MAST1: variants seen among roughly 807,000 people sequenced by gnomAD.
MAST1 encodes the protein microtubule associated serine/threonine kinase 1, also known as microtubule-associated serine/threonine-protein kinase 1.
Under a neutral mutation model 124.6 loss-of-function variants are expected in MAST1, and 40 were observed. That is an observed-to-expected ratio of 0.32 (90% confidence interval 0.25 to 0.42). MAST1 has a LOEUF of 0.42. MAST1 is among the 10% of genes least tolerant of loss of function. MAST1 has a pLI of 1.00. For missense variants in MAST1, 1,558 were observed against 2,181.9 expected (o/e 0.71, Z 5.70); for synonymous variants, 938 against 939.4 (o/e 1.00, Z 0.03).
intron 4 of MAST1, among the ~76,000 whole-genome samples, chr19:12,845,413 A>C (rs1345143096): frequency 1.1e-5 from 1 of 91,338 alleles, no homozygotes; most frequent in Non-Finnish European, 2.7e-5. Flanking sequence ...TGTTTCTACA[A>C]AAAAAAAAAA....
At position 12,874,912 on chromosome 19, in the gene MAST1, C is replaced by T; in HGVS notation, c.*42C>T. ...CCCCGCGCTGTACAGCCTCCGTATA[C>T]ATATGTACACATATAAATAAAGTGC... On this transcript the variant is annotated 3_prime_UTR_variant, in exon 26 of 26. Coordinates refer to ENST00000251472, the MANE Select transcript of MAST1 (RefSeq NM_014975.3). The surrounding 1 kb of genome is among the most constrained non-coding windows in gnomAD (Gnocchi z 6.6). 6.5e-7 allele frequency: 1 copy of T among 1,546,114 alleles called. No individual in the cohort carries two copies. Among genetic ancestry groups the T allele is most frequent in the Non-Finnish European group, 8.7e-7 (1 of 1,149,026 alleles).
chr19:12,842,290 CTCTT>C (rs972967873), intron 3 of MAST1, among the ~76,000 whole-genome samples: 4 of 151,122 alleles, frequency 2.6e-5, no homozygotes, highest in Admixed American at 1.3e-4. Flanking sequence ...CTCTCTCTCT[CTCTT>C]TTTTTTTTCT....
chr19:12,862,257 G>A (rs552793551), intron 12 of MAST1, among the ~76,000 whole-genome samples: 2 of 152,216 alleles, frequency 1.3e-5, no homozygotes, highest in African/African-American at 2.4e-5. Flanking sequence ...CATCAGTCTC[G>A]GCCTCCCGAA....
At chr19:12,864,535 T>C (rs924550788) in intron 12 of MAST1, among the ~76,000 whole-genome samples, 1 of 152,012 alleles carries the variant, frequency 6.6e-6, no homozygotes, top group Non-Finnish European at 1.5e-5. Context: ...CAACTAAACC[T>C]CACCTCTACC....
rs866290486 is a variant in MAST1 at position 12,874,479 on chromosome 19, C to A, written c.4322C>A (p.Ala1441Glu). The A allele has an allele frequency of 1.3e-6, 2 of 1,575,814 alleles. No individual in the cohort carries two copies. The highest frequency in any genetic ancestry group is 1.7e-6 in the Non-Finnish European group (2 of 1,164,946). The change falls in exon 26 of 26, where the codon GCG becomes GAG. Residue 1441 changes from alanine to glutamate, a missense_variant. Ala to Glu is a moderately radical substitution (Grantham distance 107). Around this residue, in one of 10 missense-constraint regions of MAST1, gnomAD observed 263 missense variants for 310.9 expected, o/e 0.85. Transcript: ENST00000251472. The surrounding 1 kb of genome is among the most constrained non-coding windows in gnomAD (Gnocchi z 6.6). ...TPLVPIVVEPARPGAKAVVPQ... is the reference protein window; with the variant it reads ...TPLVPIVVEPERPGAKAVVPQ... ...CTGGTACCCATTGTCGTAGAGCCTG[C>A]GCGGCCCGGGGCTAAGGCTGTGGTG...
chr19:12,866,187 G>C lies in MAST1; in HGVS notation c.2029+85G>C, dbSNP rs1358486633. On this transcript the variant is annotated intron_variant, in intron 17 of 25. Transcript: ENST00000251472. The surrounding 1 kb of genome is among the most constrained non-coding windows in gnomAD (Gnocchi z 5.2). Reference sequence around the variant, plus strand: ...TGGGGTAAGTAAAGCCTGGGATAGGGCCTGGCTAAGTACCAAGATGTGATG... The same window carrying C: ...TGGGGTAAGTAAAGCCTGGGATAGGCCCTGGCTAAGTACCAAGATGTGATG... 1 of 1,555,576 alleles carries C rather than the reference G, an allele frequency of 6.4e-7. No homozygotes were observed. Among genetic ancestry groups the C allele is most frequent in the East Asian group, 2.4e-5 (1 of 42,470 alleles).
chr19:12,843,098 G>C lies in MAST1; in HGVS notation c.249-431G>C, dbSNP rs191408539. 6.6e-6 allele frequency among the ~76,000 whole-genome samples: 1 copy of C among 152,184 alleles called. No individual in the cohort carries two copies. Among genetic ancestry groups the C allele is most frequent in the East Asian group, 1.9e-4 (1 of 5,202 alleles). ...CAACAGTGACTGTGTCTGTGTGCAC[G>C]AGAGCATAAGGACACAATATTCTAT... is the stretch of plus-strand genomic sequence containing the variant. On this transcript the variant is annotated intron_variant, in intron 3 of 25. Coordinates refer to ENST00000251472, the MANE Select transcript of MAST1 (RefSeq NM_014975.3). This position sits in a 1 kb window ranked among gnomAD's most constrained non-coding sequence, Gnocchi z 4.9.
At chr19:12,844,053 G>C (rs1039172606) in intron 4 of MAST1, among the ~76,000 whole-genome samples, 2 of 152,150 alleles carry the variant, frequency 1.3e-5, no homozygotes, top group African/African-American at 4.8e-5. Context: ...CTTCAAAGGT[G>C]TTCACTTGTC....
chr19:12,874,833 A>G lies in MAST1; in HGVS notation c.4676A>G (p.Lys1559Arg). The change falls in exon 26 of 26, where the codon AAA (lysine) becomes AGA (arginine). Residue 1559 changes from lysine to arginine, a missense_variant. Lys to Arg is a conservative substitution (Grantham distance 26). Around this residue, in one of 10 missense-constraint regions of MAST1, gnomAD observed 168 missense variants for 154.3 expected, o/e 1.09. Coordinates refer to ENST00000251472, the MANE Select transcript of MAST1 (RefSeq NM_014975.3). This position sits in a 1 kb window ranked among gnomAD's most constrained non-coding sequence, Gnocchi z 6.6. ...GCTGTGCCCCCAGCAGGCCTGACCA[A>G]AAAAGGAGTGTCCAGTCCCGCACCC... ...AEAVPPAGLT[K>R]KGVSSPAPPG... 1.9e-6 allele frequency: 3 copies of G among 1,599,730 alleles called. No homozygotes were observed. The highest frequency in any genetic ancestry group is 2.6e-6 in the Non-Finnish European group (3 of 1,171,448).
chr19:12,852,074 C>A (rs767333066), intron 8 of MAST1, 39 bp downstream of exon 8: 2 of 1,613,428 alleles, frequency 1.2e-6, no homozygotes, highest in Middle Eastern at 1.6e-4. Context: ...GGTTGGTAGA[C>A]CCTGGGAGCC....
intron 22 of MAST1, 148 bp from the exon 23 acceptor site, chr19:12,870,676 A>AG (rs1162435402): frequency 3.2e-6 from 3 of 943,512 alleles, no homozygotes; most frequent in Non-Finnish European, 4.5e-6. Context: ...AAAAAAAAAA[A>AG]AAATGTGGGG....
At position 12,847,220 on chromosome 19, in the gene MAST1, C is replaced by A; in HGVS notation, c.328-70C>A. On this transcript the variant is annotated intron_variant, in intron 4 of 25. Coordinates refer to ENST00000251472, the MANE Select transcript of MAST1 (RefSeq NM_014975.3). The surrounding 1 kb of genome is among the most constrained non-coding windows in gnomAD (Gnocchi z 5.5). The stretch of plus-strand genomic sequence containing the variant: ...CAGTGACCCCATCGGCTTTGGGAGT[C>A]CCAGCTCAGGGTCCTGAGCTGTTGG... 9.6e-7 allele frequency: 1 copy of A among 1,040,862 alleles called. No homozygotes were observed. Among genetic ancestry groups the A allele is most frequent in the Middle Eastern group, 2.4e-4 (1 of 4,108 alleles). 64.5% of individuals were successfully genotyped at this position (1,040,862 alleles called of 1,614,324 possible). A position where few individuals can be genotyped will look rare whatever the true frequency, so the allele number is the denominator to read the frequency against.
At position 12,869,235 on chromosome 19, in the gene MAST1, G is replaced by A; in HGVS notation, c.2943G>A (p.Leu981=). ...CGGGCAAGAAGTATGGCTTCACACT[G>A]CGTGCCATCCGTGTCTACATGGGTG... The part of the protein sequence containing the change: ...QRSGKKYGFT[L]RAIRVYMGDT... The change falls in exon 22 of 26, where the codon CTG becomes CTA. Residue 981 remains leucine (L), a synonymous_variant. Transcript: ENST00000251472. 1.2e-6 allele frequency: 2 copies of A among 1,614,144 alleles called. No individual in the cohort carries two copies. Among genetic ancestry groups the A allele is most frequent in the Non-Finnish European group, 1.7e-6 (2 of 1,180,010 alleles).
In MAST1 at chr19:12,864,858, G is replaced by T; in HGVS notation, c.1416G>T (p.Glu472Asp). Residue 472 changes from glutamate (E) to aspartate (D), a missense_variant, in exon 13 of 26, where the codon GAG becomes GAT. Physicochemically the swap from Glu to Asp is conservative, Grantham distance 45 (BLOSUM62 2). Around this residue, in one of 10 missense-constraint regions of MAST1, gnomAD observed 145 missense variants for 350.0 expected, o/e 0.41. Coordinates refer to ENST00000251472, the MANE Select transcript of MAST1 (RefSeq NM_014975.3). ...LLKNIGALPV[E>D]MARMYFAETV... Reference sequence around the variant, plus strand: ...AGAATATTGGAGCGCTGCCCGTAGAGATGGCCCGCATGTACTTTGCTGAGA... The same window carrying T: ...AGAATATTGGAGCGCTGCCCGTAGATATGGCCCGCATGTACTTTGCTGAGA... The T allele has an allele frequency of 1.2e-6, 2 of 1,614,102 alleles. No homozygotes were observed. Among genetic ancestry groups the T allele is most frequent in the Non-Finnish European group, 8.5e-7 (1 of 1,180,048 alleles).
At chr19:12,856,252 T>G (rs1224940523) in intron 10 of MAST1, among the ~76,000 whole-genome samples, 1 of 152,030 alleles carries the variant, frequency 6.6e-6, no homozygotes, top group Non-Finnish European at 1.5e-5. Flanking sequence ...CCTACCTTTT[T>G]TCCCCATTGC....
At chr19:12,858,815 C>T in intron 12 of MAST1, 76 bp downstream of exon 12, 1 of 1,412,954 alleles carries the variant, frequency 7.1e-7, no homozygotes. Context: ...CCTGCCTGAG[C>T]CGCAGTCTCC....
At position 12,871,115 on chromosome 19, in the gene MAST1, A is replaced by G. The variant is rs1970228475; in HGVS notation, c.3206A>G (p.Tyr1069Cys). The change falls in exon 24 of 26, where the codon TAC becomes TGC. Residue 1069 changes from tyrosine to cysteine, a missense_variant. Tyr to Cys is a radical substitution (Grantham distance 194). Around this residue, in one of 10 missense-constraint regions of MAST1, gnomAD observed 291 missense variants for 475.8 expected, o/e 0.61. Transcript: ENST00000251472. ...ATTGGTCCCGCAAGGCGCAGCAGCT[A>G]CAAGGCTAAAATGGCTCGGAGGAAC... Reference protein sequence around the residue: ...IRIGPARRSSYKAKMARRNKR... With the variant: ...IRIGPARRSSCKAKMARRNKR... The G allele has an allele frequency of 6.2e-7, 1 of 1,614,234 alleles. No homozygotes were observed. The highest frequency in any genetic ancestry group is 1.3e-5 in the African/African-American group (1 of 75,070).
chr19:12,848,845 C>G (rs1969928915), intron 7 of MAST1: 1 of 152,300 alleles, frequency 6.6e-6, no homozygotes, highest in East Asian at 1.9e-4. Context: ...GTAATCCCAA[C>G]TACTTGGGAG....
rs1568409642 is a variant in MAST1, at chr19:12,852,252, CG to C, written c.1009+7del. On this transcript the variant is annotated splice_donor_region_variant and intron_variant, in intron 9 of 25. Coordinates refer to ENST00000251472, the MANE Select transcript of MAST1 (RefSeq NM_014975.3). ...TCACCCGTGACCCCTTTCCAGGTGC[CG>C]GCTGGTGGGCGCAGGGGGACTGGGG... 2.5e-6 allele frequency: 4 copies of C among 1,613,848 alleles called. No homozygotes were observed. Among genetic ancestry groups the C allele is most frequent in the Non-Finnish European group, 3.4e-6 (4 of 1,180,012 alleles).
Sources: allele counts gnomAD v4.1 joint callset (sites outside exome capture counted in the v4.1 genomes callset), GRCh38; gene constraint gnomAD v4.1.1; regional missense constraint gnomAD v4.1.1; non-coding constraint Gnocchi (gnomAD v3.1); transcripts MANE v1.5; gene names NCBI Gene and HGNC (gene_info 2026-07-23, HGNC 2026-07-21).